The following GRM8 variants were observed in gnomAD, a reference collection of about 807,000 sequenced individuals.
The protein encoded by GRM8 is glutamate metabotropic receptor 8.
GRM8 carries 47 observed loss-of-function variants against 87.2 expected under a neutral mutation model. The observed-to-expected ratio is 0.54, with a 90% CI of 0.43 to 0.69. The LOEUF is 0.69. Ranked by LOEUF, GRM8 falls within the 30% of genes least tolerant of loss-of-function variation. The pLI, the probability that GRM8 is intolerant of heterozygous loss-of-function variation, is 0.00. For missense variants in GRM8, 1,019 were observed against 1,139.2 expected, an observed-to-expected ratio of 0.89 and a Z score of 1.52; for synonymous variants, 396 against 404.5, an observed-to-expected ratio of 0.98 and a Z score of 0.25.
chr7:126,965,910 G>C (rs1201983623), intron 3 of GRM8, among the ~76,000 whole-genome samples: 1 of 151,462 alleles, frequency 6.6e-6, no homozygotes, highest in East Asian at 1.9e-4. Context: ...TTTCTTGCCA[G>C]ACTGTGAGCT....
chr7:127,104,116 C>A (rs1020657907), intron 3 of GRM8, among the ~76,000 whole-genome samples: 3 of 152,168 alleles, frequency 2.0e-5, no homozygotes. Flanking sequence ...TCAATTTACA[C>A]TGAAACTTCT....
At chr7:127,041,355 T>A (rs1000923154) in intron 3 of GRM8, among the ~76,000 whole-genome samples, 1 of 152,196 alleles carries the variant, frequency 6.6e-6, no homozygotes, top group African/African-American at 2.4e-5. Context: ...CTGAAATATA[T>A]GACATATGGG....
intron 2 of GRM8, among the ~76,000 whole-genome samples, chr7:127,160,087 T>C (rs1304810441): frequency 6.6e-6 from 1 of 152,188 alleles, no homozygotes; most frequent in Non-Finnish European, 1.5e-5. Context: ...TTTTAAAGAC[T>C]ATTAACATAC....
chr7:126,834,949 G>C (rs1215724392), intron 6 of GRM8, among the ~76,000 whole-genome samples: 17 of 151,764 alleles, frequency 1.1e-4, no homozygotes, highest in African/African-American at 1.7e-4. Flanking sequence ...GGTGGTGTGT[G>C]CCTGTATTCC....
At chr7:127,251,881 G>A (rs1488556514) in intron 1 of GRM8, among the ~76,000 whole-genome samples, 1 of 152,170 alleles carries the variant, frequency 6.6e-6, no homozygotes, top group Non-Finnish European at 1.5e-5. Flanking sequence ...CCACAAAAGA[G>A]GGGCACGGAA....
At chr7:126,861,089 G>A (rs1294024494) in intron 6 of GRM8, among the ~76,000 whole-genome samples, 3 of 152,006 alleles carry the variant, frequency 2.0e-5, no homozygotes, top group African/African-American at 7.2e-5. Flanking sequence ...CTATTCTCCT[G>A]CTGTTAGATC....
intron 9 of GRM8, among the ~76,000 whole-genome samples, chr7:126,505,058 G>C (rs2150714661): frequency 6.6e-6 from 1 of 152,146 alleles, no homozygotes; most frequent in South Asian, 2.1e-4. Flanking sequence ...AGTGTTCAAA[G>C]TGGAATAGTG....
chr7:126,507,283 C>T (rs1810631136), intron 9 of GRM8, among the ~76,000 whole-genome samples: 1 of 152,102 alleles, frequency 6.6e-6, no homozygotes, highest in Non-Finnish European at 1.5e-5. Flanking sequence ...AGCTCTGTCA[C>T]TCACCTATCT....
chr7:126,926,163 C>T (rs959042567), intron 3 of GRM8, among the ~76,000 whole-genome samples: 1 of 151,848 alleles, frequency 6.6e-6, no homozygotes, highest in African/African-American at 2.4e-5. Context: ...AAATGTTACC[C>T]GTATTATATT....
At chr7:127,185,039 C>A (rs1315262966) in intron 2 of GRM8, among the ~76,000 whole-genome samples, 1 of 151,986 alleles carries the variant, frequency 6.6e-6, no homozygotes. Context: ...GATGTCAGTT[C>A]TTCCCAACTT....
chr7:126,644,272 A>G (rs1056360081), intron 7 of GRM8, among the ~76,000 whole-genome samples: 1 of 152,198 alleles, frequency 6.6e-6, no homozygotes, highest in Non-Finnish European at 1.5e-5. Flanking sequence ...CAGCGGCCTC[A>G]TACTTTACTC....
At chr7:126,985,242 T>C (rs1265805418) in intron 3 of GRM8, among the ~76,000 whole-genome samples, 8 of 152,226 alleles carry the variant, frequency 5.3e-5, no homozygotes, top group Admixed American at 3.9e-4. Flanking sequence ...CTATGCTCAA[T>C]AGCTTGAATT....
intron 7 of GRM8, among the ~76,000 whole-genome samples, chr7:126,759,209 T>C (rs1480835686): frequency 6.6e-6 from 1 of 152,066 alleles, no homozygotes; most frequent in Non-Finnish European, 1.5e-5. Context: ...TGTCCCTCAC[T>C]TTCAAACTAA....
intron 2 of GRM8, among the ~76,000 whole-genome samples, chr7:127,219,156 CT>C (rs5887327): frequency 0.99 from 150,101 of 151,248 alleles, 74,490 homozygotes; most frequent in East Asian, 1. Context: ...CATAGAAGAA[CT>C]TTTTTTTTTT....
intron 3 of GRM8, among the ~76,000 whole-genome samples, chr7:126,960,990 C>G (rs1014538900): frequency 6.6e-6 from 1 of 152,124 alleles, no homozygotes; most frequent in Admixed American, 6.5e-5. Flanking sequence ...ATGCCCAGAA[C>G]TGGAGTCAGT....
intron 6 of GRM8, among the ~76,000 whole-genome samples, chr7:126,878,770 A>G (rs1323790639): frequency 6.6e-6 from 1 of 151,758 alleles, no homozygotes; most frequent in East Asian, 2.0e-4. Context: ...CAAATTATCC[A>G]CCCATTTTGG....
At chr7:126,900,490 C>CT (rs66797752) in intron 6 of GRM8, among the ~76,000 whole-genome samples, 117,813 of 151,844 alleles carry the variant, frequency 0.78, 46,118 homozygotes, top group East Asian at 0.97. Flanking sequence ...CCCTAGCTAG[C>CT]TTTTTTGTTT....
intron 6 of GRM8, among the ~76,000 whole-genome samples, chr7:126,823,056 T>A (rs1250565654): frequency 6.6e-6 from 1 of 152,200 alleles, no homozygotes; most frequent in African/African-American, 2.4e-5. Flanking sequence ...CCAAACCTAC[T>A]AAGCCACTTA....
chr7:126,562,868 G>A (rs1305796175), intron 8 of GRM8, among the ~76,000 whole-genome samples: 2 of 152,216 alleles, frequency 1.3e-5, no homozygotes, highest in Non-Finnish European at 2.9e-5. Flanking sequence ...CTGCACTCCA[G>A]CCTGGGCAAC....
Sources: allele counts gnomAD v4.1 joint callset (sites outside exome capture counted in the v4.1 genomes callset), GRCh38; gene constraint gnomAD v4.1.1; transcripts MANE v1.5; gene names NCBI Gene and HGNC (gene_info 2026-07-23, HGNC 2026-07-21).